The following MPV17 variants were observed in gnomAD, a reference collection of about 807,000 sequenced individuals.
MPV17 encodes mitochondrial inner membrane protein MPV17.
MPV17 carries 31 observed loss-of-function variants against 28.6 expected under a neutral mutation model. That is an observed-to-expected ratio of 1.08 (90% CI 0.81 to 1.46). The LOEUF is 1.46. MPV17 is among the 40% of genes most tolerant of loss of function. The probability of loss-of-function intolerance (pLI) is 0.00; values close to 1 mark genes in which losing one functional copy is unlikely to be tolerated. For missense variants in MPV17, 198 were observed against 216.2 expected, an observed-to-expected ratio of 0.92 and a Z score of 0.53; for synonymous variants, 87 against 85.3, an observed-to-expected ratio of 1.02 and a Z score of -0.11.
chr2:27,311,672 T>G, intron 7 of MPV17: 1 of 1,550,700 alleles, frequency 6.4e-7, no homozygotes, highest in Non-Finnish European at 8.7e-7. Context: ...AGAAGCAGGA[T>G]CCTCCCTAGG....
intron 2 of MPV17, among the ~76,000 whole-genome samples, chr2:27,320,052 A>G (rs1412453895): frequency 1.3e-5 from 2 of 151,844 alleles, no homozygotes; most frequent in Non-Finnish European, 2.9e-5. Flanking sequence ...CCTGGCCAAC[A>G]TGGTGAAATC....
intron 6 of MPV17, 70 bp downstream of exon 6, chr2:27,312,144 C>G (rs140389436): frequency 6.5e-7 from 1 of 1,541,824 alleles, no homozygotes; most frequent in Admixed American, 1.7e-5. Flanking sequence ...GTCAGGAGGA[C>G]CCCCCAATCC....
chr2:27,315,891 G>C, intron 2 of MPV17: 1 of 1,422,482 alleles, frequency 7.0e-7, no homozygotes, highest in South Asian at 1.5e-5. Flanking sequence ...GAGTCTTTGA[G>C]AGATGAGATG....
At chr2:27,314,021 C>A (rs1679555973) in intron 2 of MPV17, among the ~76,000 whole-genome samples, 1 of 152,160 alleles carries the variant, frequency 6.6e-6, no homozygotes, top group Admixed American at 6.5e-5. Context: ...CAGAATAAAT[C>A]TTTTTCTAAA....
intron 7 of MPV17, among the ~76,000 whole-genome samples, chr2:27,310,513 C>T (rs536634491): frequency 2.0e-5 from 3 of 152,342 alleles, no homozygotes; most frequent in South Asian, 2.1e-4. Context: ...AAATATTCAG[C>T]GGCTCTCTTG....
rs79111575 is a variant in MPV17, at chr2:27,311,859, G to A, written c.461+40C>T. ...CATTTTGTCTCCAACTGTTGGTAAC[G>A]TGGGTCTTCCTTGATGGGTGGGGTA... On this transcript the variant is annotated intron_variant, in intron 7 of 7. Transcript: ENST00000380044. 3,503 of 1,609,084 alleles carry A rather than the reference G, an allele frequency of 2.2e-3. 67 individuals are homozygous for A. The African/African-American group carries it at 0.042, about 19-fold the overall frequency.
Position 27,313,100 on chromosome 2 carries a change from A to G in MPV17, c.80T>C (p.Met27Thr), listed in dbSNP as rs1289819128. The change falls in exon 3 of 8, where the codon ATG becomes ACG. Residue 27 changes from methionine (M) to threonine (T), a missense_variant. Met to Thr is a moderately conservative substitution (Grantham distance 81). Coordinates refer to ENST00000380044, the MANE Select transcript of MPV17 (RefSeq NM_002437.5). ...KVQVLTAGSL[M>T]GLGDIISQQL... is the part of the protein sequence containing the mutation. ...CTGTGAGATAATGTCACCCAGGCCCATCAGGGACCCTATGCAGGGTACACA... is the reference window on the plus strand; with the variant it reads ...CTGTGAGATAATGTCACCCAGGCCCGTCAGGGACCCTATGCAGGGTACACA... 2 of 1,614,016 alleles carry G rather than the reference A, an allele frequency of 1.2e-6. No homozygotes were observed. Among genetic ancestry groups the G allele is most frequent in the African/African-American group, 2.7e-5 (2 of 74,898 alleles).
rs1035250791 is a variant in MPV17 at position 27,323,054 on chromosome 2, G to C, written c.-8C>G. 3.1e-5 allele frequency: 5 copies of C among 162,196 alleles called. No individual in the cohort carries two copies. The highest frequency in any genetic ancestry group is 2.7e-5 in the Non-Finnish European group (2 of 72,878). The allele number at this position is 162,196 out of a possible 1,614,324, so 10.0% of individuals were successfully genotyped here. The stretch of plus-strand genomic sequence containing the variant: ...ACCGCAGATCACCCGCCACTCACCT[G>C]AGCGCCGAGCCTCCCTCCCACGTGA... On this transcript the variant is annotated splice_region_variant and 5_prime_UTR_variant, in exon 1 of 8. Transcript: ENST00000380044.
intron 2 of MPV17, 88 bp downstream of exon 2, chr2:27,322,360 C>G: frequency 9.1e-7 from 1 of 1,100,898 alleles, no homozygotes; most frequent in Non-Finnish European, 1.4e-6. Context: ...CGAATAGAAA[C>G]AGGAAGTGAG....
At chr2:27,314,865 G>A (rs1166557529) in intron 2 of MPV17, among the ~76,000 whole-genome samples, 1 of 152,218 alleles carries the variant, frequency 6.6e-6, no homozygotes. Context: ...CACACTCACT[G>A]TTGCGTTCTT....
chr2:27,322,222 G>T, intron 2 of MPV17: 1 of 593,852 alleles, frequency 1.7e-6, no homozygotes, highest in Non-Finnish European at 3.0e-6. Flanking sequence ...TGAGGACTTT[G>T]AAATCCTAAA....
intron 6 of MPV17, 61 bp downstream of exon 6, chr2:27,312,153 C>T (rs1439551432): frequency 6.3e-7 from 1 of 1,580,480 alleles, no homozygotes; most frequent in Non-Finnish European, 8.7e-7. Flanking sequence ...ACCCCCCAAT[C>T]CCAGGACAGT....
At position 27,313,071 on chromosome 2, in the gene MPV17, G is replaced by T. The variant is rs944467706; in HGVS notation, c.109C>A (p.Leu37Met). The change falls in exon 3 of 8, where the codon CTG becomes ATG. Residue 37 changes from leucine (L) to methionine (M), a missense_variant. Leu to Met is a conservative substitution (Grantham distance 15, BLOSUM62 2). Coordinates refer to ENST00000380044, the MANE Select transcript of MPV17 (RefSeq NM_002437.5). ...TCCTGCAGACCCCGCCTCTCCACCA[G>T]CTGCTGTGAGATAATGTCACCCAGG... is the stretch of plus-strand genomic sequence containing the variant. ...MGLGDIISQQLVERRGLQEHQ... is the reference protein window; with the variant it reads ...MGLGDIISQQMVERRGLQEHQ... The T allele has an allele frequency of 3.1e-6, 5 of 1,614,216 alleles. No individual in the cohort carries two copies. The East Asian group carries it at 1.1e-4, about 36-fold the overall frequency.
Position 27,317,185 on chromosome 2 carries a change from G to C in MPV17, c.71-4076C>G. The C allele has an allele frequency of 6.4e-7, 1 of 1,550,406 alleles. No individual in the cohort carries two copies. Among genetic ancestry groups the C allele is most frequent in the East Asian group, 2.4e-5 (1 of 40,922 alleles). On this transcript the variant is annotated intron_variant, in intron 2 of 7. Coordinates refer to ENST00000380044, the MANE Select transcript of MPV17 (RefSeq NM_002437.5). The surrounding 1 kb of genome is among the most constrained non-coding windows in gnomAD (Gnocchi z 4.0). ...TCAGTCCAGGAGGCCTGGGTCGGCA[G>C]GTATAGCTACTGGCATGGGGCCAGC... is the stretch of plus-strand genomic sequence containing the variant.
At chr2:27,316,878 C>T (rs925672676) in intron 2 of MPV17, 2 of 520,238 alleles carry the variant, frequency 3.8e-6, no homozygotes, top group South Asian at 5.7e-5. Flanking sequence ...GGTGTGACAT[C>T]ATGCCCCTGG....
At chr2:27,310,316 G>A (rs1335422102) in intron 7 of MPV17, among the ~76,000 whole-genome samples, 3 of 152,158 alleles carry the variant, frequency 2.0e-5, no homozygotes, top group Non-Finnish European at 2.9e-5. Flanking sequence ...GGCTGGTCTC[G>A]AACTCCTGAC....
intron 2 of MPV17, among the ~76,000 whole-genome samples, chr2:27,319,881 G>A (rs1679789588): frequency 7.4e-6 from 1 of 135,646 alleles, no homozygotes; most frequent in South Asian, 2.4e-4. Context: ...AGCTGATATA[G>A]CACCACCACT....
At chr2:27,320,252 GA>G (rs1679807033) in intron 2 of MPV17, among the ~76,000 whole-genome samples, 1 of 149,842 alleles carries the variant, frequency 6.7e-6, no homozygotes, top group Admixed American at 6.6e-5. Context: ...AAAAAAAAAA[GA>G]AAAAAAATGT....
intron 5 of MPV17, 80 bp downstream of exon 5, chr2:27,312,414 T>C (rs1285283321): frequency 2.0e-6 from 3 of 1,520,658 alleles, no homozygotes; most frequent in Non-Finnish European, 2.7e-6. Flanking sequence ...ACCCCCTTTT[T>C]TATCCCTGTA....
Sources: allele counts gnomAD v4.1 joint callset (sites outside exome capture counted in the v4.1 genomes callset), GRCh38; gene constraint gnomAD v4.1.1; non-coding constraint Gnocchi (gnomAD v3.1); transcripts MANE v1.5; gene names NCBI Gene and HGNC (gene_info 2026-07-23, HGNC 2026-07-21).